Variants in AFG1L observed in about 807,000 individuals in gnomAD.
The protein encoded by AFG1L is AFG1-like ATPase.
In AFG1L, 53 loss-of-function variants were observed where a neutral mutation model predicts 62.2. The ratio of observed to expected loss-of-function variants is 0.85; its 90% CI spans 0.68 to 1.07. The LOEUF is 1.07. Among genes scored for constraint, AFG1L ranks in the 50% least tolerant of loss-of-function variants. The probability of loss-of-function intolerance (pLI) is 0.00; values close to 1 mark genes in which losing one functional copy is unlikely to be tolerated. For missense variants in AFG1L, 555 were observed against 590.5 expected (o/e 0.94, Z 0.62); for synonymous variants, 228 against 210.3 (o/e 1.08, Z -0.73).
Position 108,441,712 on chromosome 6 carries a change from A to AAAAATATATAT in AFG1L, c.808-5501_808-5500insAAATATATATA, listed in dbSNP as rs1401294615. On this transcript the variant is annotated intron_variant, in intron 7 of 12. Coordinates refer to ENST00000368977, the MANE Select transcript of AFG1L (RefSeq NM_145315.5). ...ATCTGAGGTTTATTTAAAAAAAAAA[A>AAAAATATATAT]ATATATATATATATATATAAACTGA... Among the ~76,000 whole-genome samples, 217 of 139,490 alleles carry AAAAATATATAT rather than the reference A, an allele frequency of 1.6e-3. 3 individuals are homozygous for AAAAATATATAT. The highest frequency in any genetic ancestry group is 9.9e-3 in the East Asian group (50 of 5,040). The allele number at this position is 139,490 out of a possible 152,430, so 91.5% of individuals were successfully genotyped here.
intron 2 of AFG1L, among the ~76,000 whole-genome samples, chr6:108,335,466 C>T (rs1301695712): frequency 6.6e-6 from 1 of 152,198 alleles, no homozygotes; most frequent in Non-Finnish European, 1.5e-5. Flanking sequence ...CCTATATCCA[C>T]GTATGTCTCT....
chr6:108,358,780 C>T (rs985018671), intron 5 of AFG1L, among the ~76,000 whole-genome samples: 10 of 152,150 alleles, frequency 6.6e-5, no homozygotes, highest in South Asian at 2.1e-4. Context: ...GTGATCCACC[C>T]GCCTCAGCCT....
intron 6 of AFG1L, among the ~76,000 whole-genome samples, chr6:108,401,042 A>G (rs1049505877): frequency 4.7e-5 from 7 of 150,118 alleles, no homozygotes; most frequent in Admixed American, 2.0e-4. Flanking sequence ...GATCTTGGCT[A>G]ACTGTAACTT....
intron 5 of AFG1L, among the ~76,000 whole-genome samples, chr6:108,357,363 G>A (rs1265369098): frequency 2.0e-5 from 3 of 152,138 alleles, no homozygotes; most frequent in Non-Finnish European, 4.4e-5. Flanking sequence ...TTACAGGCAT[G>A]AGCCATGACA....
At chr6:108,391,296 T>G (rs1456875529) in intron 6 of AFG1L, among the ~76,000 whole-genome samples, 1 of 152,176 alleles carries the variant, frequency 6.6e-6, no homozygotes, top group Non-Finnish European at 1.5e-5. Context: ...ACATCTATTA[T>G]TTTTTGATTT....
chr6:108,328,195 A>G (rs1778132187), intron 2 of AFG1L, among the ~76,000 whole-genome samples: 1 of 152,254 alleles, frequency 6.6e-6, no homozygotes. Context: ...TATATAAACT[A>G]TAACATATAA....
chr6:108,521,165 A>C (rs890600060), intron 12 of AFG1L: 4 of 152,156 alleles, frequency 2.6e-5, no homozygotes, highest in African/African-American at 9.7e-5. Flanking sequence ...AAGGTTGGTA[A>C]AGTTTACATC....
intron 7 of AFG1L, among the ~76,000 whole-genome samples, chr6:108,412,600 G>A (rs1211853142): frequency 6.6e-6 from 1 of 152,132 alleles, no homozygotes; most frequent in African/African-American, 2.4e-5. Context: ...AAGAGAGTGG[G>A]GGCCAATATT....
intron 6 of AFG1L, among the ~76,000 whole-genome samples, chr6:108,373,871 C>T (rs1045051236): frequency 4.6e-5 from 7 of 152,156 alleles, no homozygotes; most frequent in Non-Finnish European, 8.8e-5. Context: ...AGCCACTGCG[C>T]CTGGCCGGTA....
chr6:108,522,231 T>C, intron 12 of AFG1L, 66 bp from the exon 13 acceptor site: 1 of 1,527,740 alleles, frequency 6.5e-7, no homozygotes, highest in South Asian at 1.2e-5. Flanking sequence ...TTTTTAAACC[T>C]ATACTTAGGT....
At chr6:108,466,716 A>C (rs75381574) in intron 8 of AFG1L, among the ~76,000 whole-genome samples, 2 of 148,886 alleles carry the variant, frequency 1.3e-5, no homozygotes, top group African/African-American at 4.9e-5. Context: ...ACTGTGTGAG[A>C]AAAAAAAATT....
chr6:108,313,197 G>C (rs1777476869), intron 1 of AFG1L, among the ~76,000 whole-genome samples: 1 of 152,132 alleles, frequency 6.6e-6, no homozygotes, highest in Non-Finnish European at 1.5e-5. Flanking sequence ...TATTATTCCA[G>C]AGCCCACATT....
intron 7 of AFG1L, among the ~76,000 whole-genome samples, chr6:108,411,833 T>C (rs903422609): frequency 3.3e-5 from 5 of 152,214 alleles, no homozygotes; most frequent in African/African-American, 1.2e-4. Flanking sequence ...CTGAAAATGC[T>C]AAAAATCAGA....
intron 7 of AFG1L, among the ~76,000 whole-genome samples, chr6:108,432,267 A>G (rs1771109447): frequency 6.6e-6 from 1 of 151,988 alleles, no homozygotes; most frequent in Non-Finnish European, 1.5e-5. Flanking sequence ...AATAATCTGT[A>G]GTATCTCACC....
At chr6:108,397,020 A>T (rs199874239) in intron 6 of AFG1L, among the ~76,000 whole-genome samples, 2 of 151,682 alleles carry the variant, frequency 1.3e-5, no homozygotes, top group African/African-American at 4.8e-5. Flanking sequence ...TTTTTCATTC[A>T]TTCTTTTTTG....
intron 5 of AFG1L, among the ~76,000 whole-genome samples, chr6:108,361,583 G>T (rs1039438327): frequency 1.3e-5 from 2 of 152,212 alleles, no homozygotes; most frequent in Non-Finnish European, 2.9e-5. Flanking sequence ...AGCAGGAAAA[G>T]TGAGGAGCCC....
intron 7 of AFG1L, among the ~76,000 whole-genome samples, chr6:108,446,102 A>C (rs200207084): frequency 1.6e-3 from 198 of 126,448 alleles, no homozygotes; most frequent in African/African-American, 5.3e-3. Context: ...ACACACACAC[A>C]CCCCTACATA....
At chr6:108,504,594 T>C (rs551463760) in intron 10 of AFG1L, among the ~76,000 whole-genome samples, 1 of 152,282 alleles carries the variant, frequency 6.6e-6, no homozygotes, top group East Asian at 1.9e-4. Context: ...TAACAAAATG[T>C]GACACAGAGA....
chr6:108,398,306 A>AT (rs1220711893), intron 6 of AFG1L, among the ~76,000 whole-genome samples: 1 of 151,976 alleles, frequency 6.6e-6, no homozygotes, highest in Non-Finnish European at 1.5e-5. Flanking sequence ...GATTTATTAG[A>AT]TTTTTTCCCT....
Sources: allele counts gnomAD v4.1 joint callset (sites outside exome capture counted in the v4.1 genomes callset), GRCh38; gene constraint gnomAD v4.1.1; transcripts MANE v1.5; gene names NCBI Gene and HGNC (gene_info 2026-07-23, HGNC 2026-07-21).